The following NYAP2 variants were observed in gnomAD, a reference collection of about 807,000 sequenced individuals.
The protein encoded by NYAP2 is neuronal tyrosine-phosphorylated phosphoinositide-3-kinase adapter 2.
A neutral mutation model predicts 50.4 loss-of-function variants in NYAP2; 23 were observed. The ratio of observed to expected loss-of-function variants is 0.46; its 90% CI spans 0.33 to 0.65. The LOEUF (loss-of-function observed/expected upper bound fraction) is 0.65, where lower values mean the gene tolerates loss of function less well. Among genes scored for constraint, NYAP2 ranks in the 30% least tolerant of loss-of-function variants. The pLI is 0.02. For synonymous variants in NYAP2, 394 were observed against 365.2 expected, an observed-to-expected ratio of 1.08 and a Z score of -0.90; for missense variants, 885 against 861.0, an observed-to-expected ratio of 1.03 and a Z score of -0.35.
At chr2:225,688,444 CTG>C in the NYAP2 span, among the ~76,000 whole-genome samples, 1 of 152,078 alleles carries the variant, frequency 6.6e-6, no homozygotes, top group Non-Finnish European at 1.5e-5. Context: ...CATAATTTTA[CTG>C]TGTTAAAAGC....
intron 3 of NYAP2, among the ~76,000 whole-genome samples, chr2:225,446,917 G>A (rs889914077): frequency 2.0e-5 from 3 of 152,026 alleles, no homozygotes; most frequent in African/African-American, 7.2e-5. Context: ...TAGTCCCACA[G>A]GACAATTCAA....
intron 4 of NYAP2, among the ~76,000 whole-genome samples, chr2:225,536,398 G>C (rs1254798852): frequency 6.6e-6 from 1 of 152,138 alleles, no homozygotes; most frequent in Non-Finnish European, 1.5e-5. Flanking sequence ...CCTGGCCTTT[G>C]GGAAATTCTT....
chr2:225,620,975 A>G (rs922196214), intron 5 of NYAP2, among the ~76,000 whole-genome samples: 4 of 152,110 alleles, frequency 2.6e-5, no homozygotes, highest in Middle Eastern at 3.4e-3. Flanking sequence ...TTAGCCGGGC[A>G]TGGTGGTGGG....
intron 3 of NYAP2, among the ~76,000 whole-genome samples, chr2:225,488,866 G>T (rs955139546): frequency 6.6e-6 from 1 of 152,182 alleles, no homozygotes; most frequent in Non-Finnish European, 1.5e-5. Flanking sequence ...TGGTGAGTTT[G>T]ATTTTATTAG....
downstream of NYAP2, among the ~76,000 whole-genome samples, chr2:225,656,480 C>A (rs1693829231): frequency 6.6e-6 from 1 of 152,172 alleles, no homozygotes; most frequent in Non-Finnish European, 1.5e-5. Flanking sequence ...GACGACCTTG[C>A]AGGAGAATGA....
intron 5 of NYAP2, among the ~76,000 whole-genome samples, chr2:225,626,523 C>G (rs1422851297): frequency 1.3e-5 from 2 of 152,058 alleles, no homozygotes; most frequent in Non-Finnish European, 1.5e-5. Flanking sequence ...ATACATTTGC[C>G]AAATAAAAGG....
At chr2:225,597,027 T>G (rs1692611690) in intron 5 of NYAP2, among the ~76,000 whole-genome samples, 1 of 152,084 alleles carries the variant, frequency 6.6e-6, no homozygotes, top group African/African-American at 2.4e-5. Context: ...AACCTCCTTA[T>G]AGTGGAAGAT....
At chr2:225,691,468 T>G in the NYAP2 span, among the ~76,000 whole-genome samples, 1 of 152,152 alleles carries the variant, frequency 6.6e-6, no homozygotes, top group East Asian at 1.9e-4. Context: ...GGCAGTGGGC[T>G]GTATTTGGCC....
At chr2:225,660,294 T>C in the NYAP2 span, among the ~76,000 whole-genome samples, 2 of 152,156 alleles carry the variant, frequency 1.3e-5, no homozygotes, top group East Asian at 3.9e-4. Flanking sequence ...CAGGTAGCAT[T>C]TCAGAACTGT....
intron 5 of NYAP2, among the ~76,000 whole-genome samples, chr2:225,618,141 G>T (rs1305155784): frequency 1.3e-5 from 2 of 152,262 alleles, no homozygotes; most frequent in African/African-American, 4.8e-5. Context: ...ATGTAGTTTG[G>T]CTCTATATCT....
At chr2:225,470,726 A>G (rs1177025688) in intron 3 of NYAP2, among the ~76,000 whole-genome samples, 1 of 152,338 alleles carries the variant, frequency 6.6e-6, no homozygotes, top group Non-Finnish European at 1.5e-5. Context: ...CCTAGAACAC[A>G]TGATTGCATT....
intron 2 of NYAP2, among the ~76,000 whole-genome samples, chr2:225,407,034 C>T (rs1244979861): frequency 1.3e-5 from 2 of 152,006 alleles, no homozygotes; most frequent in African/African-American, 4.8e-5. Context: ...GAGGCATTAT[C>T]TCTAGAATTC....
intron 5 of NYAP2, among the ~76,000 whole-genome samples, chr2:225,624,349 GA>G (rs1343521355): frequency 6.6e-6 from 1 of 152,200 alleles, no homozygotes; most frequent in Non-Finnish European, 1.5e-5. Flanking sequence ...AAGCACACTA[GA>G]AACGGGGCAT....
chr2:225,471,163 AT>A (rs1363883256), intron 3 of NYAP2, among the ~76,000 whole-genome samples: 1 of 152,224 alleles, frequency 6.6e-6, no homozygotes, highest in Non-Finnish European at 1.5e-5. Flanking sequence ...GCCAGATACC[AT>A]GTCTGCATTA....
chr2:225,416,369 A>G (rs868710293), intron 3 of NYAP2, among the ~76,000 whole-genome samples: 15 of 152,156 alleles, frequency 9.9e-5, no homozygotes, highest in African/African-American at 3.6e-4. Flanking sequence ...TAAATGAATT[A>G]ACTTATGCTA....
rs562393442 is a variant in NYAP2, at chr2:225,632,071, G to A, written c.1828+4945G>A. Among the ~76,000 whole-genome samples, 5 of 152,280 alleles carry A rather than the reference G, an allele frequency of 3.3e-5. No homozygotes were observed. In the South Asian group the frequency reaches 1.0e-3, roughly 32 times the overall value. On this transcript the variant is annotated intron_variant, in intron 6 of 6. Transcript: ENST00000636099. ...GACCTCAGGTGATCCACCTGCCTAA[G>A]CGGCCTCCTGAAGTGCTGGGATTGC...
chr2:225,523,046 A>C (rs997438674), intron 4 of NYAP2, among the ~76,000 whole-genome samples: 1 of 152,126 alleles, frequency 6.6e-6, no homozygotes, highest in Non-Finnish European at 1.5e-5. Flanking sequence ...GAGTGTGTTC[A>C]TCTTGGGGAA....
intron 3 of NYAP2, among the ~76,000 whole-genome samples, chr2:225,462,471 C>A (rs1689848874): frequency 6.6e-6 from 1 of 152,122 alleles, no homozygotes; most frequent in Non-Finnish European, 1.5e-5. Context: ...CAAATGCACC[C>A]ACCCAGACTA....
intron 3 of NYAP2, among the ~76,000 whole-genome samples, chr2:225,412,289 A>C (rs1574601276): frequency 2.1e-5 from 1 of 46,554 alleles, no homozygotes; most frequent in Non-Finnish European, 7.8e-5. Context: ...TTTAACAAAA[A>C]TTTTGTTCCT....
Sources: allele counts gnomAD v4.1 joint callset (sites outside exome capture counted in the v4.1 genomes callset), GRCh38; gene constraint gnomAD v4.1.1; transcripts MANE v1.5; gene names NCBI Gene and HGNC (gene_info 2026-07-23, HGNC 2026-07-21).